Variants in FMNL1 observed in about 807,000 individuals in gnomAD.
FMNL1 encodes the protein formin-like protein 1.
In FMNL1, 43 loss-of-function variants were observed where a neutral mutation model predicts 121.3. The observed-to-expected ratio is 0.35, with a 90% CI of 0.28 to 0.46. The LOEUF (loss-of-function observed/expected upper bound fraction) is 0.46, where lower values mean the gene tolerates loss of function less well. Among genes scored for constraint, FMNL1 ranks in the 20% least tolerant of loss-of-function variants. FMNL1 has a pLI of 1.00. For synonymous variants in FMNL1, 613 were observed against 613.5 expected, an observed-to-expected ratio of 1.00 and a Z score of 0.01; for missense variants, 1,191 against 1,482.4, an observed-to-expected ratio of 0.80 and a Z score of 3.23.
At chr17:45,229,515 C>G (rs2043396942) in intron 1 of FMNL1, among the ~76,000 whole-genome samples, 1 of 152,212 alleles carries the variant, frequency 6.6e-6, no homozygotes, top group African/African-American at 2.4e-5. Flanking sequence ...TCCCACATCC[C>G]CGATGGAGAC....
chr17:45,243,029 C>A, intron 16 of FMNL1, 89 bp from the exon 17 acceptor site: 3 of 1,425,348 alleles, frequency 2.1e-6, no homozygotes, highest in Non-Finnish European at 2.9e-6. Context: ...CTGGTCAGGG[C>A]CAGATGGATG....
chr17:45,238,697 C>A, intron 10 of FMNL1, 59 bp downstream of exon 10: 1 of 1,601,616 alleles, frequency 6.2e-7, no homozygotes, highest in East Asian at 2.2e-5. Context: ...GTGCAGGGAG[C>A]AGCTAGGGTC....
chr17:45,224,996 C>T (rs1025135056), intron 1 of FMNL1, among the ~76,000 whole-genome samples: 8 of 152,224 alleles, frequency 5.3e-5, no homozygotes, highest in Non-Finnish European at 7.3e-5. Flanking sequence ...GATGACAAGG[C>T]GACCTTTCCA....
Position 45,237,784 on chromosome 17 carries a change from A to AACT in FMNL1, c.894+145_894+146insACT. 2.4e-6 allele frequency: 2 copies of AACT among 832,922 alleles called. No individual in the cohort carries two copies. The highest frequency in any genetic ancestry group is 3.9e-6 in the Non-Finnish European group (2 of 514,446). The allele number at this position is 832,922 out of a possible 1,614,324, so 51.6% of individuals were successfully genotyped here. ...CGCCCAAAAGTTGAAGTTGAGCCAC[A>AACT]TCACTGGCTCAGCAATCTGGGATGG... On this transcript the variant is annotated intron_variant, in intron 9 of 26. Coordinates refer to ENST00000331495, the MANE Select transcript of FMNL1 (RefSeq NM_005892.4). This position sits in a 1 kb window ranked among gnomAD's most constrained non-coding sequence, Gnocchi z 4.4.
At chr17:45,232,842 A>G (rs1009847141) in intron 3 of FMNL1, 5 of 560,258 alleles carry the variant, frequency 8.9e-6, no homozygotes, top group Non-Finnish European at 1.7e-5. Flanking sequence ...AGAGAGAGAG[A>G]ATGTGTGTGT....
intron 19 of FMNL1, among the ~76,000 whole-genome samples, 162 bp downstream of exon 19, chr17:45,244,406 C>T (rs1178740517): frequency 6.6e-6 from 1 of 152,204 alleles, no homozygotes; most frequent in Admixed American, 6.5e-5. Context: ...GGAAGGGGTA[C>T]AGCAGCCGTG....
chr17:45,226,018 G>A (rs972406879), intron 1 of FMNL1, among the ~76,000 whole-genome samples: 6 of 152,092 alleles, frequency 3.9e-5, no homozygotes, highest in African/African-American at 7.2e-5. Context: ...CCCATTTAGC[G>A]GAGGGAGCCC....
rs1350743767 is a variant in FMNL1 at position 45,241,501 on chromosome 17, G to A, written c.1452G>A (p.Glu484=). The A allele has an allele frequency of 5.1e-6, 8 of 1,580,180 alleles. No homozygotes were observed. Among genetic ancestry groups the A allele is most frequent in the Non-Finnish European group, 6.0e-6 (7 of 1,164,012 alleles). ...SALELKVEEL[E]EKGLIRILRG... ...TGGAGCTGAAGGTGGAGGAGCTGGA[G>A]GAGAAGGGGTTAATCCGTATTCTGC... Residue 484 remains glutamate, a synonymous_variant, in exon 14 of 27, where the codon GAG becomes GAA. Coordinates refer to ENST00000331495, the MANE Select transcript of FMNL1 (RefSeq NM_005892.4). This position sits in a 1 kb window ranked among gnomAD's most constrained non-coding sequence, Gnocchi z 7.0.
At chr17:45,229,195 A>G (rs1232076211) in intron 1 of FMNL1, among the ~76,000 whole-genome samples, 2 of 151,880 alleles carry the variant, frequency 1.3e-5, no homozygotes, top group Non-Finnish European at 2.9e-5. Context: ...CACCCCCTTC[A>G]GCCGCTGGGG....
intron 1 of FMNL1, among the ~76,000 whole-genome samples, chr17:45,224,102 A>G (rs955087775): frequency 6.6e-6 from 1 of 152,152 alleles, no homozygotes; most frequent in African/African-American, 2.4e-5. Flanking sequence ...AGCACCCACC[A>G]GGGCTTACCC....
chr17:45,226,865 C>G (rs1367657660), intron 1 of FMNL1, among the ~76,000 whole-genome samples: 1 of 152,182 alleles, frequency 6.6e-6, no homozygotes, highest in Non-Finnish European at 1.5e-5. Context: ...AAGCTGTTAG[C>G]TCTTTGGGTC....
rs1056858624 is a variant in FMNL1, at chr17:45,247,226, C to G, written c.*368C>G. The G allele has an allele frequency of 1.2e-5, 6 of 485,938 alleles. No homozygotes were observed. The highest frequency in any genetic ancestry group is 3.5e-5 in the Admixed American group (1 of 28,732). The allele number at this position is 485,938 out of a possible 1,614,324, so 30.1% of individuals were successfully genotyped here. On this transcript the variant is annotated 3_prime_UTR_variant, in exon 27 of 27. Coordinates refer to ENST00000331495, the MANE Select transcript of FMNL1 (RefSeq NM_005892.4). ...GCCTCAGCAGGAGCCTGGCCTGTAA[C>G]TTATAAAGTGCACCTCGCCCCCGCA...
In FMNL1 at chr17:45,243,772, C is replaced by A. The variant is rs1471316833; in HGVS notation, c.2214-19C>A. 1.2e-6 allele frequency: 2 copies of A among 1,600,094 alleles called. No homozygotes were observed. Among genetic ancestry groups the A allele is most frequent in the African/African-American group, 1.3e-5 (1 of 74,840 alleles). Reference sequence around the variant, plus strand: ...TGGGTATGGATGATGCCCAATCTCCCCTCTCCTCCCTCTCACAGGTACGAC... The same window carrying A: ...TGGGTATGGATGATGCCCAATCTCCACTCTCCTCCCTCTCACAGGTACGAC... On this transcript the variant is annotated intron_variant, in intron 17 of 26. Coordinates refer to ENST00000331495, the MANE Select transcript of FMNL1 (RefSeq NM_005892.4).
chr17:45,243,492 C>A (rs1388048574), intron 17 of FMNL1, among the ~76,000 whole-genome samples, 172 bp downstream of exon 17: 1 of 152,170 alleles, frequency 6.6e-6, no homozygotes, highest in Non-Finnish European at 1.5e-5. Context: ...TCAGTCCATG[C>A]CTAAATTAGG....
At position 45,237,432 on chromosome 17, in the gene FMNL1, C is replaced by T. The variant is rs1255332218; in HGVS notation, c.800+75C>T. On this transcript the variant is annotated intron_variant, in intron 8 of 26. Transcript: ENST00000331495. The surrounding 1 kb of genome is among the most constrained non-coding windows in gnomAD (Gnocchi z 4.4). ...TTAGCCCCTTGCTTACTCTGTCCTC[C>T]AGGTCTCAGAGGCTCATTCTGCACC... The T allele has an allele frequency of 3.1e-6, 5 of 1,608,398 alleles. No individual in the cohort carries two copies. The highest frequency in any genetic ancestry group is 4.3e-6 in the Non-Finnish European group (5 of 1,174,938).
intron 7 of FMNL1, 108 bp downstream of exon 7, chr17:45,236,352 G>T: frequency 1.1e-6 from 1 of 899,224 alleles, no homozygotes; most frequent in African/African-American, 1.7e-5. Context: ...ACCCTGTGCT[G>T]TGCTGGGGAA....
chr17:45,242,016 G>GC lies in FMNL1; in HGVS notation c.1760dup (p.Pro588ThrfsTer11). On this transcript the variant is annotated frameshift_variant, in exon 15 of 27. Coordinates refer to ENST00000331495, the MANE Select transcript of FMNL1 (RefSeq NM_005892.4). LOFTEE classifies it high-confidence loss of function. ...CGCCGCCGCTGCCCGGAGACCTGCC[G>GC]CCCCCACCCCCGCCACCGCCACCAC... 1 of 1,288,292 alleles carries GC rather than the reference G, an allele frequency of 7.8e-7. No individual in the cohort carries two copies. Among genetic ancestry groups the GC allele is most frequent in the Non-Finnish European group, 9.9e-7 (1 of 1,014,102 alleles). 79.8% of individuals were successfully genotyped at this position (1,288,292 alleles called of 1,614,324 possible).
rs1262504603 is a variant in FMNL1 at position 45,244,223 on chromosome 17, C to A, written c.2496C>A (p.Asp832Glu). Residue 832 changes from aspartate to glutamate, a missense_variant, in exon 19 of 27, where the codon GAC (aspartate) becomes GAA (glutamate). Asp to Glu is a conservative substitution (Grantham distance 45, BLOSUM62 2). Around this residue, in one of 4 missense-constraint regions of FMNL1, gnomAD observed 367 missense variants for 528.6 expected, o/e 0.69. Transcript: ENST00000331495. ...CCTCAATGTCCATCAAGTCCTCTGA[C>A]AAACTCCGCCAGATCCTGGAGGTGA... ...IAASMSIKSSDKLRQILEIVL... is the reference protein window; with the variant it reads ...IAASMSIKSSEKLRQILEIVL... 6.2e-7 allele frequency: 1 copy of A among 1,612,316 alleles called. No individual in the cohort carries two copies. The highest frequency in any genetic ancestry group is 2.2e-5 in the East Asian group (1 of 44,828).
Position 45,241,578 on chromosome 17 carries a change from C to T in FMNL1, c.1529C>T (p.Thr510Ile). The change falls in exon 14 of 27, where the codon ACT becomes ATT. Residue 510 changes from threonine (T) to isoleucine (I), a missense_variant. By Grantham distance (89) the Thr-to-Ile change is moderately conservative (BLOSUM62 -1). Transcript: ENST00000331495. This position sits in a 1 kb window ranked among gnomAD's most constrained non-coding sequence, Gnocchi z 7.0. ...SIEILPVAVATPSGGDAPTPG... is the reference protein window; with the variant it reads ...SIEILPVAVAIPSGGDAPTPG... ...GAGATCCTCCCCGTCGCTGTGGCAA[C>T]TCCGAGCGGCGGTGATGCTCCGACT... is the stretch of plus-strand genomic sequence containing the variant. 1 of 1,562,866 alleles carries T rather than the reference C, an allele frequency of 6.4e-7. No homozygotes were observed. The highest frequency in any genetic ancestry group is 1.3e-5 in the African/African-American group (1 of 74,086).
Sources: gnomAD v4.1 joint callset for allele counts (sites outside exome capture counted in the v4.1 genomes callset) on GRCh38, gnomAD v4.1.1 for gene constraint, gnomAD v4.1.1 regional missense constraint, Gnocchi (gnomAD v3.1) non-coding constraint, MANE v1.5 for transcripts, NCBI Gene and HGNC (gene_info 2026-07-23, HGNC 2026-07-21) for gene names.